The following NDUFS1 variants were observed in gnomAD, a reference collection of about 807,000 sequenced individuals.
The protein encoded by NDUFS1 is NADH:ubiquinone oxidoreductase core subunit S1, also known as NADH-ubiquinone oxidoreductase 75 kDa subunit, mitochondrial.
NDUFS1 carries 61 observed loss-of-function variants against 84.4 expected under a neutral mutation model. That is an observed-to-expected ratio of 0.72 (90% confidence interval 0.59 to 0.89). NDUFS1 has a LOEUF of 0.89. NDUFS1 is among the 40% of genes least tolerant of loss of function. NDUFS1 has a pLI of 0.00. For missense variants in NDUFS1, 891 were observed against 890.0 expected, an observed-to-expected ratio of 1.00 and a Z score of -0.01; for synonymous variants, 275 against 290.0, an observed-to-expected ratio of 0.95 and a Z score of 0.53.
At chr2:206,141,203 C>G (rs1415585760) in intron 12 of NDUFS1, among the ~76,000 whole-genome samples, 6 of 151,942 alleles carry the variant, frequency 3.9e-5, no homozygotes, top group Admixed American at 2.6e-4. Context: ...ATGGCCTGAA[C>G]CCAGGAGCTC....
In NDUFS1 at chr2:206,126,657, T is replaced by A. The variant is rs1034633382; in HGVS notation, c.2020-46A>T. The A allele has an allele frequency of 5.0e-6, 8 of 1,613,930 alleles. No homozygotes were observed. The Admixed American group carries it at 6.7e-5, about 13-fold the overall frequency. ...CAACAATAATATGGAAAACTAGTAC[T>A]GTTACACCAGTAGATACAACATTAT... On this transcript the variant is annotated intron_variant, in intron 17 of 18. Coordinates refer to ENST00000233190, the MANE Select transcript of NDUFS1 (RefSeq NM_005006.7).
intron 12 of NDUFS1, 85 bp from the exon 13 acceptor site, chr2:206,138,699 A>G: frequency 7.4e-7 from 1 of 1,359,252 alleles, no homozygotes; most frequent in Non-Finnish European, 1.0e-6. Context: ...ACATCTATTT[A>G]CTATTACAAA....
Position 206,152,416 on chromosome 2 carries a change from T to TA in NDUFS1, c.153+2dup. On this transcript the variant is annotated splice_region_variant and intron_variant, in intron 3 of 18. Coordinates refer to ENST00000233190, the MANE Select transcript of NDUFS1 (RefSeq NM_005006.7). ...ACACAAAATAGTTAGAATGTATGCCTACTTGGAGGACGGTCGTTCCCGGTT... is the reference window on the plus strand; with the variant it reads ...ACACAAAATAGTTAGAATGTATGCCTAACTTGGAGGACGGTCGTTCCCGGTT... 1 of 1,612,614 alleles carries TA rather than the reference T, an allele frequency of 6.2e-7. No individual in the cohort carries two copies. The highest frequency in any genetic ancestry group is 8.5e-7 in the Non-Finnish European group (1 of 1,178,626).
intron 13 of NDUFS1, among the ~76,000 whole-genome samples, chr2:206,134,541 CA>C (rs1193756331): frequency 6.6e-6 from 1 of 151,100 alleles, no homozygotes; most frequent in Non-Finnish European, 1.5e-5. Context: ...AAGACAGCAC[CA>C]TTGCACTCCA....
rs1285772901 is a variant in NDUFS1, at chr2:206,153,650, A to AGT, written c.28_29insAC (p.Leu10TyrfsTer2). The AGT allele has an allele frequency of 1.9e-6, 3 of 1,542,968 alleles. No homozygotes were observed. The highest frequency in any genetic ancestry group is 2.7e-6 in the Non-Finnish European group (3 of 1,118,336). On this transcript the variant is annotated frameshift_variant, in exon 2 of 19. Coordinates refer to ENST00000233190, the MANE Select transcript of NDUFS1 (RefSeq NM_005006.7). LOFTEE classifies it high-confidence loss of function. ...TTTAGGAGACTTAGAAAGGCCTACTAAGGCCTTTCTTACAGGTATCCTTAA... is the reference window on the plus strand; with the variant it reads ...TTTAGGAGACTTAGAAAGGCCTACTAGTAGGCCTTTCTTACAGGTATCCTTAA...
chr2:206,146,198 C>G (rs565539036), intron 8 of NDUFS1, among the ~76,000 whole-genome samples: 1 of 152,192 alleles, frequency 6.6e-6, no homozygotes, highest in African/African-American at 2.4e-5. Flanking sequence ...TCCTAAGAAG[C>G]CTCACTTAAA....
At chr2:206,124,806 T>A (rs982132270) in intron 18 of NDUFS1, among the ~76,000 whole-genome samples, 1 of 152,022 alleles carries the variant, frequency 6.6e-6, no homozygotes, top group South Asian at 2.1e-4. Context: ...ACCACTGCAA[T>A]CTAGCCTGGG....
rs1553509152 is a variant in NDUFS1, at chr2:206,157,963, C to CT, written c.-5+1377dup. On this transcript the variant is annotated intron_variant, in intron 1 of 18. Transcript: ENST00000233190. ...CTCCTTGCCTGGAGTATTTCAATAG[C>CT]TTTTTTTTTTTTTTTTTTGAGACAG... Among the ~76,000 whole-genome samples, 419 of 131,830 alleles carry CT rather than the reference C, an allele frequency of 3.2e-3. 4 individuals carry two copies. Among genetic ancestry groups the CT allele is most frequent in the East Asian group, 9.2e-3 (43 of 4,668 alleles). 86.5% of individuals were successfully genotyped at this position (131,830 alleles called of 152,430 possible). A position where few individuals can be genotyped will look rare whatever the true frequency, so the allele number is the denominator to read the frequency against.
At chr2:206,131,911 C>A (rs978678820) in intron 14 of NDUFS1, among the ~76,000 whole-genome samples, 29 of 151,034 alleles carry the variant, frequency 1.9e-4, no homozygotes, top group Admixed American at 6.6e-4. Context: ...TGTGCTCCAG[C>A]CTGGGTGACA....
At chr2:206,137,728 A>G (rs1402617593) in intron 13 of NDUFS1, among the ~76,000 whole-genome samples, 1 of 152,208 alleles carries the variant, frequency 6.6e-6, no homozygotes, top group Non-Finnish European at 1.5e-5. Context: ...TAAAGCCAAC[A>G]ACAAAATGAA....
intron 3 of NDUFS1, among the ~76,000 whole-genome samples, chr2:206,150,607 G>C (rs968201007): frequency 4.6e-5 from 7 of 152,138 alleles, no homozygotes; most frequent in Non-Finnish European, 1.0e-4. Context: ...CTTTGTGCAG[G>C]ATGCAGGTAT....
At chr2:206,125,963 C>T (rs1366452535) in intron 18 of NDUFS1, among the ~76,000 whole-genome samples, 1 of 152,086 alleles carries the variant, frequency 6.6e-6, no homozygotes, top group Admixed American at 6.6e-5. Context: ...AACTAAAATA[C>T]TTATTTAAAA....
chr2:206,124,765 G>C (rs1691222038), intron 18 of NDUFS1, among the ~76,000 whole-genome samples: 1 of 150,692 alleles, frequency 6.6e-6, no homozygotes, highest in Non-Finnish European at 1.5e-5. Flanking sequence ...TGTGAACCTA[G>C]GAGGCGGAGC....
chr2:206,153,724 A>G, intron 1 of NDUFS1, 42 bp from the exon 2 acceptor site: 1 of 1,039,794 alleles, frequency 9.6e-7, no homozygotes, highest in East Asian at 2.4e-5. Context: ...AGGGAAAAAA[A>G]CAATCACCAA....
Position 206,138,406 on chromosome 2 carries a change from G to A in NDUFS1, c.1392+79C>T, listed in dbSNP as rs1007179289. On this transcript the variant is annotated intron_variant, in intron 13 of 18. Coordinates refer to ENST00000233190, the MANE Select transcript of NDUFS1 (RefSeq NM_005006.7). Reference sequence around the variant, plus strand: ...TGGTGTAAGTTTTAACACTTACATAGGATTATTACAAAAACAGTTAAGTTT... The same window carrying A: ...TGGTGTAAGTTTTAACACTTACATAAGATTATTACAAAAACAGTTAAGTTT... 1.3e-5 allele frequency: 19 copies of A among 1,511,296 alleles called. No homozygotes were observed. In the African/African-American group the frequency reaches 1.7e-4, roughly 13 times the overall value. 93.6% of individuals were successfully genotyped at this position (1,511,296 alleles called of 1,614,324 possible).
At chr2:206,159,240 A>C in intron 1 of NDUFS1, 101 bp downstream of exon 1, 1 of 1,081,248 alleles carries the variant, frequency 9.2e-7, no homozygotes, top group Non-Finnish European at 1.4e-6. Context: ...CCAGTCAAGG[A>C]CAACAGAAGA....
intron 14 of NDUFS1, 123 bp downstream of exon 14, chr2:206,132,822 T>C (rs1575956258): frequency 3.6e-6 from 3 of 823,002 alleles, no homozygotes; most frequent in Middle Eastern, 3.3e-4. Context: ...ATATTTCACA[T>C]GTGTAACTGG....
chr2:206,126,008 G>A (rs1453642803), intron 18 of NDUFS1, among the ~76,000 whole-genome samples: 2 of 152,114 alleles, frequency 1.3e-5, no homozygotes, highest in Non-Finnish European at 2.9e-5. Context: ...AAAATTAAGA[G>A]TTCTATGTGC....
chr2:206,154,321 C>T (rs1441062098), intron 1 of NDUFS1, among the ~76,000 whole-genome samples: 1 of 152,226 alleles, frequency 6.6e-6, no homozygotes, highest in African/African-American at 2.4e-5. Flanking sequence ...TAAACAATGG[C>T]TCTCAACTGA....
Sources: allele counts gnomAD v4.1 joint callset (sites outside exome capture counted in the v4.1 genomes callset), GRCh38; gene constraint gnomAD v4.1.1; transcripts MANE v1.5; gene names NCBI Gene and HGNC (gene_info 2026-07-23, HGNC 2026-07-21).